Variants in CNOT10 observed in about 807,000 individuals in gnomAD.
The protein encoded by CNOT10 is CCR4-NOT transcription complex, subunit 10.
A neutral mutation model predicts 94.6 loss-of-function variants in CNOT10; 30 were observed. The observed-to-expected ratio is 0.32, with a 90% confidence interval of 0.24 to 0.43. The LOEUF is 0.43. CNOT10 is among the 20% of genes least tolerant of loss of function. CNOT10 has a pLI of 1.00. For missense variants in CNOT10, 759 were observed against 877.2 expected (o/e 0.87, Z 1.70); for synonymous variants, 289 against 301.6 (o/e 0.96, Z 0.43).
rs756864507 is a variant in CNOT10, at chr3:32,720,169, G to A, written c.800G>A (p.Arg267Gln). Residue 267 changes from arginine to glutamine, a missense_variant, in exon 8 of 19, where the codon CGA becomes CAA. Physicochemically the swap from Arg to Gln is conservative, Grantham distance 43 (BLOSUM62 1). Around this residue, in one of 3 missense-constraint regions of CNOT10, gnomAD observed 682 missense variants for 799.4 expected, o/e 0.85. Coordinates refer to ENST00000328834, the MANE Select transcript of CNOT10 (RefSeq NM_015442.3). ...SNFEYLRGNY[R>Q]KAVKLLNSSN... ...TTTGAGTACTTAAGAGGTAATTATC[G>A]AAAAGCCGTGAAGCTATTAAATAGT... The A allele has an allele frequency of 1.3e-6, 2 of 1,556,730 alleles. No homozygotes were observed. The highest frequency in any genetic ancestry group is 1.8e-6 in the Non-Finnish European group (2 of 1,138,960).
intron 17 of CNOT10, among the ~76,000 whole-genome samples, chr3:32,768,586 A>G (rs1310320900): frequency 6.6e-6 from 1 of 151,210 alleles, no homozygotes; most frequent in East Asian, 2.0e-4. Context: ...TCCGTCTCAA[A>G]AAAAAAAAAT....
chr3:32,753,350 T>A, intron 13 of CNOT10: 1 of 1,242,802 alleles, frequency 8.0e-7, no homozygotes, highest in Non-Finnish European at 1.2e-6. Flanking sequence ...TCAAACAGAA[T>A]CGCAAGTAGT....
At chr3:32,755,004 T>C (rs367693629) in intron 13 of CNOT10, among the ~76,000 whole-genome samples, 13 of 151,842 alleles carry the variant, frequency 8.6e-5, no homozygotes, top group East Asian at 6.0e-4. Context: ...CCCAGCACTT[T>C]GGGAGTCCAA....
chr3:32,762,935 G>T, intron 15 of CNOT10, 72 bp downstream of exon 15: 3 of 1,418,028 alleles, frequency 2.1e-6, no homozygotes, highest in South Asian at 1.7e-5. Context: ...CAGGATGTGT[G>T]GAAATTTAGG....
At chr3:32,737,624 A>T in intron 13 of CNOT10, 134 bp downstream of exon 13, 8 of 533,256 alleles carry the variant, frequency 1.5e-5, no homozygotes, top group Non-Finnish European at 2.3e-5. Flanking sequence ...GGAGTTCGAG[A>T]CCAGCCTGGC....
intron 18 of CNOT10, among the ~76,000 whole-genome samples, chr3:32,772,176 C>G (rs1187201811): frequency 2.0e-5 from 3 of 152,104 alleles, no homozygotes; most frequent in Non-Finnish European, 4.4e-5. Context: ...TGGTGAAACC[C>G]TGTCTCTACT....
intron 13 of CNOT10, among the ~76,000 whole-genome samples, chr3:32,744,067 C>T (rs888396429): frequency 3.3e-5 from 5 of 151,988 alleles, no homozygotes; most frequent in African/African-American, 1.2e-4. Flanking sequence ...AATGTGGACA[C>T]AAATGGTGAA....
intron 8 of CNOT10, among the ~76,000 whole-genome samples, chr3:32,721,825 T>A (rs371551167): frequency 1.4e-3 from 213 of 151,732 alleles, no homozygotes; most frequent in African/African-American, 4.7e-3. Context: ...TTTTTGTATT[T>A]TTTTTTTTAG....
chr3:32,739,622 A>C (rs574462106), intron 13 of CNOT10, among the ~76,000 whole-genome samples: 52 of 96,034 alleles, frequency 5.4e-4, no homozygotes, highest in African/African-American at 3.1e-3. Context: ...CCCTGTCTCT[A>C]AAAAAATCAA....
chr3:32,752,905 C>T (rs1559511277), intron 13 of CNOT10: 6 of 384,522 alleles, frequency 1.6e-5, no homozygotes, highest in Admixed American at 1.4e-4. Flanking sequence ...GCAGTGACTA[C>T]GAGGATGGCG....
In CNOT10 at chr3:32,773,503, C is replaced by G; in HGVS notation, c.2127C>G (p.Leu709=). Reference sequence around the variant, plus strand: ...AGATCATCAAAAGGAATCAGCTGCTCCCTGCAGTGAAAACACACTCTGAAG... The same window carrying G: ...AGATCATCAAAAGGAATCAGCTGCTGCCTGCAGTGAAAACACACTCTGAAG... ...ALQIIKRNQL[L]PAVKTHSEVR... Residue 709 remains leucine (L), a synonymous_variant, in exon 19 of 19, where the codon CTC becomes CTG. Coordinates refer to ENST00000328834, the MANE Select transcript of CNOT10 (RefSeq NM_015442.3). 6.2e-7 allele frequency: 1 copy of G among 1,614,038 alleles called. No homozygotes were observed.
At chr3:32,710,107 A>G (rs1391066879) in intron 4 of CNOT10, among the ~76,000 whole-genome samples, 3 of 145,808 alleles carry the variant, frequency 2.1e-5, no homozygotes, top group Non-Finnish European at 3.0e-5. Flanking sequence ...AGATTGCACC[A>G]CAGCATTCCA....
intron 17 of CNOT10, chr3:32,765,023 A>AT (rs762554403): frequency 4.8e-6 from 7 of 1,470,638 alleles, no homozygotes; most frequent in East Asian, 2.9e-5. Flanking sequence ...TGATGATTTT[A>AT]TTTTAAAAAA....
rs1359293888 is a variant in CNOT10, at chr3:32,753,165, CAT to C, written c.1596-6292_1596-6291del. The stretch of plus-strand genomic sequence containing the variant: ...TCCACCACTATGTTGAGAAAAGGAA[CAT>C]GTGAATACTATGAAAAAAACTATGC... On this transcript the variant is annotated intron_variant, in intron 13 of 18. Coordinates refer to ENST00000328834, the MANE Select transcript of CNOT10 (RefSeq NM_015442.3). The C allele has an allele frequency of 1.1e-5, 7 of 625,868 alleles. No homozygotes were observed. The East Asian group carries it at 1.3e-4, about 12-fold the overall frequency. 38.8% of individuals were successfully genotyped at this position (625,868 alleles called of 1,614,324 possible). A position where few individuals can be genotyped will look rare whatever the true frequency, so the allele number is the denominator to read the frequency against.
intron 4 of CNOT10, among the ~76,000 whole-genome samples, chr3:32,711,410 T>C (rs1353288624): frequency 2.0e-5 from 3 of 152,152 alleles, no homozygotes; most frequent in Non-Finnish European, 4.4e-5. Context: ...GGAACAATGA[T>C]GGGGAAAACG....
At chr3:32,757,124 A>AG (rs955591646) in intron 13 of CNOT10, among the ~76,000 whole-genome samples, 11 of 150,734 alleles carry the variant, frequency 7.3e-5, no homozygotes, top group Non-Finnish European at 1.6e-4. Context: ...AAAAAAAAAA[A>AG]AAGATACTAA....
At chr3:32,754,089 A>G (rs949317667) in intron 13 of CNOT10, among the ~76,000 whole-genome samples, 1 of 149,390 alleles carries the variant, frequency 6.7e-6, no homozygotes, top group Admixed American at 6.7e-5. Flanking sequence ...AACAAGAGCA[A>G]AAAACTCTGT....
intron 13 of CNOT10, among the ~76,000 whole-genome samples, chr3:32,745,069 G>C (rs1471507730): frequency 6.6e-6 from 1 of 151,868 alleles, no homozygotes; most frequent in African/African-American, 2.4e-5. Flanking sequence ...AGTAGAGACG[G>C]GGTTTCACCA....
intron 1 of CNOT10, among the ~76,000 whole-genome samples, chr3:32,688,735 G>C (rs1696727411): frequency 1.3e-5 from 2 of 151,564 alleles, no homozygotes; most frequent in East Asian, 3.9e-4. Context: ...AGCCTGGGCA[G>C]CATAAGTGAA....
Sources: gnomAD v4.1 joint callset for allele counts (sites outside exome capture counted in the v4.1 genomes callset) on GRCh38, gnomAD v4.1.1 for gene constraint, gnomAD v4.1.1 regional missense constraint, MANE v1.5 for transcripts, NCBI Gene and HGNC (gene_info 2026-07-23, HGNC 2026-07-21) for gene names.